LTBR: variants seen among roughly 807,000 people sequenced by gnomAD.
LTBR encodes the protein lymphotoxin beta receptor, also known as tumor necrosis factor receptor superfamily member 3.
In LTBR, 15 loss-of-function variants were observed where a neutral mutation model predicts 45.4. The ratio of observed to expected loss-of-function variants is 0.33; its 90% CI spans 0.22 to 0.51. The LOEUF is 0.51. Among genes scored for constraint, LTBR ranks in the 20% least tolerant of loss-of-function variants. The probability of loss-of-function intolerance (pLI) is 0.97; values close to 1 mark genes in which losing one functional copy is unlikely to be tolerated. For missense variants in LTBR, 450 were observed against 565.5 expected (o/e 0.80, Z 2.07); for synonymous variants, 228 against 231.0 (o/e 0.99, Z 0.12).
chr12:6,391,248 A>G lies in LTBR; in HGVS notation c.*311A>G. On this transcript the variant is annotated 3_prime_UTR_variant, in exon 10 of 10. Transcript: ENST00000228918. ...TGCCCACTACGGCACGCCGCACCGG[A>G]GCACGGCACCGAGGGAGCCGCCACA... is the stretch of plus-strand genomic sequence containing the variant. 2 of 266,220 alleles carry G rather than the reference A, an allele frequency of 7.5e-6. No individual in the cohort carries two copies. The highest frequency in any genetic ancestry group is 6.5e-5 in the East Asian group (1 of 15,326). 16.5% of individuals were successfully genotyped at this position (266,220 alleles called of 1,614,324 possible).
rs1949113431 is a variant in LTBR at position 6,391,512 on chromosome 12, AAAT to A, written c.*576_*578del. The A allele has an allele frequency of 6.6e-6, 1 of 152,228 alleles. No homozygotes were observed. The highest frequency in any genetic ancestry group is 1.5e-5 in the Non-Finnish European group (1 of 68,076). The allele number at this position is 152,228 out of a possible 1,614,324, so 9.4% of individuals were successfully genotyped here. A position where few individuals can be genotyped will look rare whatever the true frequency, so the allele number is the denominator to read the frequency against. ...GGGGAAGAGTTTTGGAAGGGGAGGA[AAAT>A]GGCAAGTGTATTTATATTGTAACCA... On this transcript the variant is annotated 3_prime_UTR_variant, in exon 10 of 10. Transcript: ENST00000228918.
rs1280750781 is a variant in LTBR, at chr12:6,390,273, G to A, written c.963G>A (p.Gln321=). The A allele has an allele frequency of 6.8e-6, 11 of 1,613,940 alleles. No individual in the cohort carries two copies. The highest frequency in any genetic ancestry group is 9.3e-6 in the Non-Finnish European group (11 of 1,180,028). The change falls in exon 9 of 10, where the codon CAG becomes CAA. Residue 321 remains glutamine (Q), a synonymous_variant. Coordinates refer to ENST00000228918, the MANE Select transcript of LTBR (RefSeq NM_002342.3). Reference sequence around the variant, plus strand: ...TTTTGGAGGCAGGGGTGCCGCAACAGCAGAGTCCTCTGGACCTGACCAGGG... The same window carrying A: ...TTTTGGAGGCAGGGGTGCCGCAACAACAGAGTCCTCTGGACCTGACCAGGG... ...APVLEAGVPQ[Q]QSPLDLTREP...
intron 1 of LTBR, chr12:6,377,500 A>G: frequency 2.9e-6 from 2 of 680,010 alleles, no homozygotes; most frequent in Non-Finnish European, 4.9e-6. Flanking sequence ...TGGATGTGAA[A>G]GCCGGGAAGG....
upstream of LTBR, among the ~76,000 whole-genome samples, chr12:6,382,455 C>G (rs2136924780): frequency 6.6e-6 from 1 of 152,246 alleles, no homozygotes; most frequent in South Asian, 2.1e-4. Flanking sequence ...AAAAAAGGAC[C>G]TAGGGTCGCT....
At chr12:6,384,059 G>T (rs1295437528), upstream of LTBR, 8 of 1,201,496 alleles carry the variant, frequency 6.7e-6, no homozygotes, top group Non-Finnish European at 8.3e-6. Context: ...CTCCCGCCCC[G>T]CATCGAGGCA....
chr12:6,378,233 T>TC, intron 1 of LTBR, among the ~76,000 whole-genome samples: 1 of 152,074 alleles, frequency 6.6e-6, no homozygotes, highest in East Asian at 1.9e-4. Context: ...ATAGTTCTTT[T>TC]TTATGACAGA....
rs147291553 is a variant in LTBR at position 6,384,651 on chromosome 12, C to G, written c.160C>G (p.Gln54Glu). The G allele has an allele frequency of 1.1e-4, 179 of 1,614,112 alleles. 1 individual carries two copies. The highest frequency in any genetic ancestry group is 1.5e-4 in the Non-Finnish European group (177 of 1,180,038). Reference sequence around the variant, plus strand: ...CCAGGAAAAGGAATACTATGAGCCCCAGCACCGCATCTGCTGCTCCCGCTG... The same window carrying G: ...CCAGGAAAAGGAATACTATGAGCCCGAGCACCGCATCTGCTGCTCCCGCTG... ...RDQEKEYYEP[Q>E]HRICCSRCPP... Residue 54 changes from glutamine to glutamate, a missense_variant, in exon 2 of 10, where the codon CAG becomes GAG. Transcript: ENST00000228918.
Position 6,388,104 on chromosome 12 carries a change from C to T in LTBR, c.668-294C>T. On this transcript the variant is annotated intron_variant, in intron 6 of 9. Coordinates refer to ENST00000228918, the MANE Select transcript of LTBR (RefSeq NM_002342.3). This position sits in a 1 kb window ranked among gnomAD's most constrained non-coding sequence, Gnocchi z 4.3. ...TCCCATCCTGCACACACAAGCCTGC[C>T]CAATCCTGGTCTCTGAGCAGGAGGG... is the stretch of plus-strand genomic sequence containing the variant. 1 of 416,422 alleles carries T rather than the reference C, an allele frequency of 2.4e-6. No individual in the cohort carries two copies. Among genetic ancestry groups the T allele is most frequent in the Non-Finnish European group, 4.6e-6 (1 of 219,748 alleles). The allele number at this position is 416,422 out of a possible 1,614,324, so 25.8% of individuals were successfully genotyped here. A position where few individuals can be genotyped will look rare whatever the true frequency, so the allele number is the denominator to read the frequency against.
At chr12:6,376,250 G>T in intron 1 of LTBR, 1 of 935,182 alleles carries the variant, frequency 1.1e-6, no homozygotes, top group Non-Finnish European at 1.3e-6. Flanking sequence ...CTGATTCCTC[G>T]CCACCCCCTC....
upstream of LTBR, among the ~76,000 whole-genome samples, chr12:6,382,149 C>T (rs933393198): frequency 3.3e-5 from 5 of 151,964 alleles, no homozygotes; most frequent in Non-Finnish European, 7.4e-5. Flanking sequence ...CAGCATAAGA[C>T]AGGGTGGGGA....
chr12:6,375,193 C>T (rs939473201), upstream of LTBR: 1 of 1,447,918 alleles, frequency 6.9e-7, no homozygotes, highest in African/African-American at 1.4e-5. Context: ...TCAGCTCCTG[C>T]CTCTCACTCC....
At chr12:6,390,546 C>G (rs1338605494) in intron 9 of LTBR, 114 bp from the exon 10 acceptor site, 2 of 1,153,534 alleles carry the variant, frequency 1.7e-6, no homozygotes, top group Non-Finnish European at 2.4e-6. Context: ...AAACCAGCAG[C>G]AAGCAGGAGA....
chr12:6,378,652 C>T (rs1325391308), intron 1 of LTBR, among the ~76,000 whole-genome samples: 1 of 152,204 alleles, frequency 6.6e-6, no homozygotes, highest in East Asian at 1.9e-4. Context: ...AGCAAAGTGA[C>T]TTGGCCACAG....
At chr12:6,385,897 T>G in intron 4 of LTBR, 169 bp from the exon 5 acceptor site, 1 of 468,230 alleles carries the variant, frequency 2.1e-6, no homozygotes, top group South Asian at 2.3e-5. Flanking sequence ...AGAGCAAGAC[T>G]CCGTCTCAAA....
chr12:6,375,588 A>G, exon 1 of LTBR: 6 of 1,258,802 alleles, frequency 4.8e-6, no homozygotes, highest in Non-Finnish European at 6.5e-6. Flanking sequence ...TAGCATCTCA[A>G]TTAAAGGTGA....
At chr12:6,384,157 G>T (rs1450819041), upstream of LTBR, 2 of 1,272,846 alleles carry the variant, frequency 1.6e-6, no homozygotes, top group African/African-American at 3.1e-5. Flanking sequence ...CGGCCAGCTC[G>T]CTCCACTCCC....
In LTBR at chr12:6,384,985, C is replaced by T. The variant is rs1489285147; in HGVS notation, c.194-37C>T. The T allele has an allele frequency of 2.5e-6, 4 of 1,613,326 alleles. No individual in the cohort carries two copies. The South Asian group carries it at 3.3e-5, about 13-fold the overall frequency. ...GGCAGCGGAGGTGAGGGTGGAGCCT[C>T]GTCTCCTGAGGCTCTACTGCTCCAC... On this transcript the variant is annotated intron_variant, in intron 2 of 9. Transcript: ENST00000228918.
In LTBR at chr12:6,388,622, A is replaced by G; in HGVS notation, c.775+117A>G. On this transcript the variant is annotated intron_variant, in intron 7 of 9. Transcript: ENST00000228918. This position sits in a 1 kb window ranked among gnomAD's most constrained non-coding sequence, Gnocchi z 4.3. ...GACTCCCAATGCCTACCCCCAACAT[A>G]GACATCCTTATCTTCATCCAGCTGC... is the stretch of plus-strand genomic sequence containing the variant. 9.1e-7 allele frequency: 1 copy of G among 1,094,448 alleles called. No individual in the cohort carries two copies. Among genetic ancestry groups the G allele is most frequent in the Non-Finnish European group, 1.4e-6 (1 of 723,034 alleles). The allele number at this position is 1,094,448 out of a possible 1,614,324, so 67.8% of individuals were successfully genotyped here.
intron 1 of LTBR, chr12:6,375,884 C>A: frequency 7.9e-7 from 1 of 1,258,402 alleles, no homozygotes; most frequent in Non-Finnish European, 1.0e-6. Flanking sequence ...GACAGGAGGG[C>A]AGAAAGAGGG....
Sources: gnomAD v4.1 joint callset for allele counts (sites outside exome capture counted in the v4.1 genomes callset) on GRCh38, gnomAD v4.1.1 for gene constraint, Gnocchi (gnomAD v3.1) non-coding constraint, MANE v1.5 for transcripts, NCBI Gene and HGNC (gene_info 2026-07-23, HGNC 2026-07-21) for gene names.